Variants in IGFBP5 observed in about 807,000 individuals in gnomAD.
IGFBP5 encodes the protein insulin-like growth factor-binding protein 5.
IGFBP5 carries 12 observed loss-of-function variants against 28.0 expected under a neutral mutation model. The ratio of observed to expected loss-of-function variants is 0.43; its 90% CI spans 0.27 to 0.69. The LOEUF (loss-of-function observed/expected upper bound fraction) is 0.69. IGFBP5 is among the 30% of genes least tolerant of loss of function. IGFBP5 has a pLI of 0.20. For missense variants in IGFBP5, 344 were observed against 381.6 expected (o/e 0.90, Z 0.82); for synonymous variants, 152 against 150.2 (o/e 1.01, Z -0.09).
At chr2:216,683,030 A>C (rs1182940078) in intron 1 of IGFBP5, among the ~76,000 whole-genome samples, 1 of 151,936 alleles carries the variant, frequency 6.6e-6, no homozygotes, top group Non-Finnish European at 1.5e-5. Flanking sequence ...TAAAATCTGG[A>C]ATTTGGAATT....
chr2:216,679,362 G>A lies in IGFBP5; in HGVS notation c.338-283C>T. 1 of 507,074 alleles carries A rather than the reference G, an allele frequency of 2.0e-6. No individual in the cohort carries two copies. The highest frequency in any genetic ancestry group is 3.6e-6 in the Non-Finnish European group (1 of 276,196). The allele number at this position is 507,074 out of a possible 1,614,324, so 31.4% of individuals were successfully genotyped here. A position where few individuals can be genotyped will look rare whatever the true frequency, so the allele number is the denominator to read the frequency against. On this transcript the variant is annotated intron_variant, in intron 1 of 3. Transcript: ENST00000233813. The surrounding 1 kb of genome is among the most constrained non-coding windows in gnomAD (Gnocchi z 4.6). The stretch of plus-strand genomic sequence containing the variant: ...TCGAGAGACTGACAGACTGATGGGT[G>A]AGGACGGAGCAGGCCTTCTGGGGGC...
At chr2:216,677,154 G>T (rs1293934020) in intron 3 of IGFBP5, among the ~76,000 whole-genome samples, 1 of 151,412 alleles carries the variant, frequency 6.6e-6, no homozygotes, top group African/African-American at 2.4e-5. Context: ...GCCCAGGTTG[G>T]TCTAAAACTC....
Position 216,679,183 on chromosome 2 carries a change from G to A in IGFBP5, c.338-104C>T. 1.2e-6 allele frequency: 1 copy of A among 827,304 alleles called. No individual in the cohort carries two copies. Among genetic ancestry groups the A allele is most frequent in the Non-Finnish European group, 2.0e-6 (1 of 488,328 alleles). 51.2% of individuals were successfully genotyped at this position (827,304 alleles called of 1,614,324 possible). A position where few individuals can be genotyped will look rare whatever the true frequency, so the allele number is the denominator to read the frequency against. On this transcript the variant is annotated intron_variant, in intron 1 of 3. Coordinates refer to ENST00000233813, the MANE Select transcript of IGFBP5 (RefSeq NM_000599.4). The surrounding 1 kb of genome is among the most constrained non-coding windows in gnomAD (Gnocchi z 4.6). ...GGTGAGGGGAGTAATAAAGGCTGAA[G>A]CAGATGTGTCTCTGCCCTCCTGGAG...
rs757837979 is a variant in IGFBP5 at position 216,679,744 on chromosome 2, G to C, written c.338-665C>G. Reference sequence around the variant, plus strand: ...AGAGCCAGAAATGTAGGCCCGGAGGGGACCGGCGTGGGGCCAAGTGGAAGT... The same window carrying C: ...AGAGCCAGAAATGTAGGCCCGGAGGCGACCGGCGTGGGGCCAAGTGGAAGT... On this transcript the variant is annotated intron_variant, in intron 1 of 3. Coordinates refer to ENST00000233813, the MANE Select transcript of IGFBP5 (RefSeq NM_000599.4). This position sits in a 1 kb window ranked among gnomAD's most constrained non-coding sequence, Gnocchi z 4.6. 2.3e-4 allele frequency among the ~76,000 whole-genome samples: 35 copies of C among 152,142 alleles called. 1 individual carries two copies. Among genetic ancestry groups the C allele is most frequent in the Non-Finnish European group, 4.1e-4 (28 of 68,030 alleles).
At chr2:216,689,977 A>AAGAG (rs11575142) in intron 1 of IGFBP5, among the ~76,000 whole-genome samples, 14 of 150,344 alleles carry the variant, frequency 9.3e-5, no homozygotes, top group Non-Finnish European at 3.0e-5. Flanking sequence ...ATTTTTTAAA[A>AAGAG]AGAGAGAGAG....
intron 1 of IGFBP5, among the ~76,000 whole-genome samples, chr2:216,691,942 G>T (rs1342884997): frequency 6.7e-6 from 1 of 150,190 alleles, no homozygotes; most frequent in African/African-American, 2.5e-5. Flanking sequence ...TGGCGGGGGT[G>T]GGGGAGAGGA....
At position 216,694,030 on chromosome 2, in the gene IGFBP5, T is replaced by G. The variant is rs1184081362; in HGVS notation, c.337+409A>C. 2.6e-5 allele frequency among the ~76,000 whole-genome samples: 4 copies of G among 151,870 alleles called. No individual in the cohort carries two copies. The highest frequency in any genetic ancestry group is 4.4e-5 in the Non-Finnish European group (3 of 67,976). ...ATAATATTTTAACAAAAGAGATTTT[T>G]TTTCCAAGTTCAGAAAAAAACCTAT... On this transcript the variant is annotated intron_variant, in intron 1 of 3. Coordinates refer to ENST00000233813, the MANE Select transcript of IGFBP5 (RefSeq NM_000599.4). This position sits in a 1 kb window ranked among gnomAD's most constrained non-coding sequence, Gnocchi z 5.2.
chr2:216,688,459 T>G (rs1380117433), intron 1 of IGFBP5, among the ~76,000 whole-genome samples: 1 of 151,972 alleles, frequency 6.6e-6, no homozygotes, highest in Non-Finnish European at 1.5e-5. Flanking sequence ...AATTTCCCTG[T>G]TTTTTTTACC....
At chr2:216,687,466 G>T (rs915256874) in intron 1 of IGFBP5, among the ~76,000 whole-genome samples, 1 of 152,198 alleles carries the variant, frequency 6.6e-6, no homozygotes, top group African/African-American at 2.4e-5. Context: ...GGTAAAGAGA[G>T]GCTCCTTGTT....
In IGFBP5 at chr2:216,681,597, C is replaced by G. The variant is rs551253770; in HGVS notation, c.338-2518G>C. ...GGCCATTTAGTCCATCCCCCTGTGT[C>G]CAAGCAGAAATAAGCATCTATCTCT... On this transcript the variant is annotated intron_variant, in intron 1 of 3. Coordinates refer to ENST00000233813, the MANE Select transcript of IGFBP5 (RefSeq NM_000599.4). Among the ~76,000 whole-genome samples the G allele has an allele frequency of 2.0e-5, 3 of 152,186 alleles. No individual in the cohort carries two copies. In the South Asian group the frequency reaches 6.2e-4, roughly 32 times the overall value.
At chr2:216,689,385 A>G (rs1054526272) in intron 1 of IGFBP5, among the ~76,000 whole-genome samples, 1 of 152,218 alleles carries the variant, frequency 6.6e-6, no homozygotes, top group African/African-American at 2.4e-5. Context: ...CTTGTATGCA[A>G]GACTGTGTAG....
intron 1 of IGFBP5, among the ~76,000 whole-genome samples, chr2:216,688,455 C>T (rs192089919): frequency 6.6e-6 from 1 of 151,884 alleles, no homozygotes; most frequent in Non-Finnish European, 1.5e-5. Context: ...AATTAATTTC[C>T]CTGTTTTTTT....
chr2:216,684,460 G>A (rs944929114), intron 1 of IGFBP5, among the ~76,000 whole-genome samples: 1 of 152,206 alleles, frequency 6.6e-6, no homozygotes, highest in Non-Finnish European at 1.5e-5. Context: ...TACAAAAATC[G>A]AAGAAACAGA....
chr2:216,683,905 C>T (rs565609146), intron 1 of IGFBP5, among the ~76,000 whole-genome samples: 1 of 152,326 alleles, frequency 6.6e-6, no homozygotes, highest in East Asian at 1.9e-4. Flanking sequence ...GCCCCTGCCA[C>T]ATTTGGGTGG....
chr2:216,676,000 T>C lies in IGFBP5; in HGVS notation c.*751A>G, dbSNP rs1688893054. The C allele has an allele frequency of 6.6e-6, 1 of 152,668 alleles. No individual in the cohort carries two copies. Among genetic ancestry groups the C allele is most frequent in the Admixed American group, 6.5e-5 (1 of 15,286 alleles). 9.5% of individuals were successfully genotyped at this position (152,668 alleles called of 1,614,324 possible). On this transcript the variant is annotated 3_prime_UTR_variant, in exon 4 of 4. Transcript: ENST00000233813. ...GCCTGGGGAATGAAATATGCACATGTATTTCATATTCACAGATCTGCTTCC... is the reference window on the plus strand; with the variant it reads ...GCCTGGGGAATGAAATATGCACATGCATTTCATATTCACAGATCTGCTTCC...
chr2:216,689,153 CTG>C (rs1420093525), intron 1 of IGFBP5, among the ~76,000 whole-genome samples: 1 of 152,208 alleles, frequency 6.6e-6, no homozygotes, highest in Non-Finnish European at 1.5e-5. Context: ...CACGTGAGGA[CTG>C]TGCTGTTGGA....
Position 216,692,659 on chromosome 2 carries a change from A to G in IGFBP5, c.337+1780T>C, listed in dbSNP as rs1689115701. Among the ~76,000 whole-genome samples the G allele has an allele frequency of 6.6e-6, 1 of 151,960 alleles. No homozygotes were observed. Among genetic ancestry groups the G allele is most frequent in the Non-Finnish European group, 1.5e-5 (1 of 67,978 alleles). On this transcript the variant is annotated intron_variant, in intron 1 of 3. Transcript: ENST00000233813. This position sits in a 1 kb window ranked among gnomAD's most constrained non-coding sequence, Gnocchi z 4.2. ...ATCCCCCAAGATGAAGGCGGGCAGG[A>G]CCGCCTTTGAAAAGTGGATCTTAAT... is the stretch of plus-strand genomic sequence containing the variant.
At position 216,679,211 on chromosome 2, in the gene IGFBP5, C is replaced by T. The variant is rs769577014; in HGVS notation, c.338-132G>A. 166 of 709,982 alleles carry T rather than the reference C, an allele frequency of 2.3e-4. No homozygotes were observed. The highest frequency in any genetic ancestry group is 3.0e-4 in the Non-Finnish European group (117 of 392,262). The allele number at this position is 709,982 out of a possible 1,614,324, so 44.0% of individuals were successfully genotyped here. A position where few individuals can be genotyped will look rare whatever the true frequency, so the allele number is the denominator to read the frequency against. ...GATGTGTCTCTGCCCTCCTGGAGCACACCCTGAAAGCAGGGGGATAAGAAC... is the reference window on the plus strand; with the variant it reads ...GATGTGTCTCTGCCCTCCTGGAGCATACCCTGAAAGCAGGGGGATAAGAAC... On this transcript the variant is annotated intron_variant, in intron 1 of 3. Transcript: ENST00000233813. The surrounding 1 kb of genome is among the most constrained non-coding windows in gnomAD (Gnocchi z 4.6).
Position 216,679,749 on chromosome 2 carries a change from G to T in IGFBP5, c.338-670C>A, listed in dbSNP as rs1429047623. 6.6e-6 allele frequency among the ~76,000 whole-genome samples: 1 copy of T among 152,142 alleles called. No individual in the cohort carries two copies. The highest frequency in any genetic ancestry group is 2.4e-5 in the African/African-American group (1 of 41,428). On this transcript the variant is annotated intron_variant, in intron 1 of 3. Coordinates refer to ENST00000233813, the MANE Select transcript of IGFBP5 (RefSeq NM_000599.4). This position sits in a 1 kb window ranked among gnomAD's most constrained non-coding sequence, Gnocchi z 4.6. ...CAGAAATGTAGGCCCGGAGGGGACC[G>T]GCGTGGGGCCAAGTGGAAGTCGGAG... is the stretch of plus-strand genomic sequence containing the variant.
Sources: gnomAD v4.1 joint callset for allele counts (sites outside exome capture counted in the v4.1 genomes callset) on GRCh38, gnomAD v4.1.1 for gene constraint, Gnocchi (gnomAD v3.1) non-coding constraint, MANE v1.5 for transcripts, NCBI Gene and HGNC (gene_info 2026-07-23, HGNC 2026-07-21) for gene names.